Variants in KCNMA1 observed in about 807,000 individuals in gnomAD.
KCNMA1 encodes potassium calcium-activated channel subfamily M alpha 1, also known as Calcium-activated potassium channel subunit alpha-1.
A neutral mutation model predicts 140.0 loss-of-function variants in KCNMA1; 29 were observed. That is an observed-to-expected ratio of 0.21 (90% CI 0.15 to 0.28). KCNMA1 has a LOEUF of 0.28. Ranked by LOEUF, KCNMA1 falls within the 10% of genes least tolerant of loss-of-function variation. The probability of loss-of-function intolerance (pLI) is 1.00; values close to 1 mark genes in which losing one functional copy is unlikely to be tolerated. For synonymous variants in KCNMA1, 612 were observed against 611.9 expected, an observed-to-expected ratio of 1.00 and a Z score of 0.00; for missense variants, 880 against 1,602.2, an observed-to-expected ratio of 0.55 and a Z score of 7.70.
intron 6 of KCNMA1, among the ~76,000 whole-genome samples, chr10:77,119,863 C>G (rs141129885): frequency 3.9e-4 from 60 of 152,144 alleles, no homozygotes; most frequent in African/African-American, 1.4e-3. Flanking sequence ...CATAGATGAG[C>G]AGTCAGAGAG....
At chr10:77,175,050 G>A (rs1321434764) in intron 5 of KCNMA1, among the ~76,000 whole-genome samples, 1 of 152,112 alleles carries the variant, frequency 6.6e-6, no homozygotes, top group Admixed American at 6.5e-5. Context: ...CAAAACTGGA[G>A]ATCACCAGGA....
chr10:77,167,782 C>T (rs567411130), intron 5 of KCNMA1, among the ~76,000 whole-genome samples: 9 of 151,708 alleles, frequency 5.9e-5, no homozygotes, highest in South Asian at 2.1e-4. Context: ...TCGACTTCCT[C>T]GAGCAATCCT....
intron 1 of KCNMA1, among the ~76,000 whole-genome samples, chr10:77,565,076 T>A (rs538714203): frequency 6.6e-6 from 1 of 152,290 alleles, no homozygotes; most frequent in East Asian, 1.9e-4. Context: ...GGAGCACCCA[T>A]CTCTGTCCCA....
At chr10:76,950,882 C>T (rs1591711190) in intron 21 of KCNMA1, among the ~76,000 whole-genome samples, 1 of 152,256 alleles carries the variant, frequency 6.6e-6, no homozygotes, top group African/African-American at 2.4e-5. Flanking sequence ...GAAACTGTGA[C>T]CAAGGAAGAC....
At chr10:77,110,130 A>G in intron 8 of KCNMA1, 43 bp downstream of exon 8, 1 of 1,491,312 alleles carries the variant, frequency 6.7e-7, no homozygotes, top group African/African-American at 1.4e-5. Flanking sequence ...GGAAAATATT[A>G]ACAGCCATCA....
intron 2 of KCNMA1, among the ~76,000 whole-genome samples, chr10:77,349,614 A>G (rs1466708067): frequency 6.6e-6 from 1 of 152,162 alleles, no homozygotes; most frequent in African/African-American, 2.4e-5. Context: ...TCTCCCCTAT[A>G]AGAAACTTAT....
At chr10:77,408,214 C>G (rs777099026) in intron 1 of KCNMA1, among the ~76,000 whole-genome samples, 1 of 152,228 alleles carries the variant, frequency 6.6e-6, no homozygotes, top group African/African-American at 2.4e-5. Context: ...CCTGGCCCCA[C>G]AGGATACTGC....
At chr10:76,946,716 A>G (rs947953547) in intron 22 of KCNMA1, among the ~76,000 whole-genome samples, 10 of 152,192 alleles carry the variant, frequency 6.6e-5, no homozygotes, top group African/African-American at 2.2e-4. Flanking sequence ...ATAAGCTTCA[A>G]TTGCCTGCAT....
chr10:77,097,000 C>T (rs141259552), intron 9 of KCNMA1, among the ~76,000 whole-genome samples: 22 of 152,222 alleles, frequency 1.4e-4, no homozygotes, highest in African/African-American at 5.1e-4. Context: ...GGGTTAGAGA[C>T]CCAACGACCT....
chr10:76,977,559 T>G (rs1235586514), intron 19 of KCNMA1: 3 of 702,934 alleles, frequency 4.3e-6, no homozygotes, highest in Non-Finnish European at 5.2e-6. Context: ...CAGAGAAAGT[T>G]TGCTGACCCC....
intron 3 of KCNMA1, among the ~76,000 whole-genome samples, chr10:77,187,875 A>C (rs1466868662): frequency 6.6e-6 from 1 of 152,192 alleles, no homozygotes; most frequent in Non-Finnish European, 1.5e-5. Flanking sequence ...GCACAATCAG[A>C]GACCACAGAG....
intron 3 of KCNMA1, among the ~76,000 whole-genome samples, chr10:77,225,149 T>C (rs995741924): frequency 1.3e-5 from 2 of 152,128 alleles, no homozygotes; most frequent in African/African-American, 4.8e-5. Context: ...TCCCCTGCAA[T>C]GTTCTGAAAG....
chr10:77,239,398 G>T (rs2056615170), intron 3 of KCNMA1, among the ~76,000 whole-genome samples: 1 of 152,218 alleles, frequency 6.6e-6, no homozygotes, highest in South Asian at 2.1e-4. Context: ...GGTAGCGGGT[G>T]TATGGAAATT....
intron 1 of KCNMA1, among the ~76,000 whole-genome samples, chr10:77,513,763 T>G (rs528209534): frequency 6.6e-6 from 1 of 152,370 alleles, no homozygotes; most frequent in Non-Finnish European, 1.5e-5. Flanking sequence ...AGGCCATGTC[T>G]GCTCCACTCA....
chr10:77,423,121 T>C (rs1302409704), intron 1 of KCNMA1, among the ~76,000 whole-genome samples: 1 of 152,196 alleles, frequency 6.6e-6, no homozygotes, highest in African/African-American at 2.4e-5. Flanking sequence ...CTGGGGTCTG[T>C]TTTTGGAAAT....
intron 2 of KCNMA1, among the ~76,000 whole-genome samples, chr10:77,393,980 C>T (rs1387118326): frequency 6.6e-6 from 1 of 152,198 alleles, no homozygotes; most frequent in Non-Finnish European, 1.5e-5. Flanking sequence ...ACCTGTGCTA[C>T]GCTCAGTTCT....
intron 2 of KCNMA1, among the ~76,000 whole-genome samples, chr10:77,303,254 T>G (rs1256587597): frequency 6.6e-6 from 1 of 152,168 alleles, no homozygotes; most frequent in Non-Finnish European, 1.5e-5. Flanking sequence ...CATCTTTCCA[T>G]GGGTACATGT....
chr10:77,282,821 G>A (rs2154297709), intron 2 of KCNMA1, among the ~76,000 whole-genome samples: 1 of 152,268 alleles, frequency 6.6e-6, no homozygotes, highest in Non-Finnish European at 1.5e-5. Context: ...TTCAGCCGGG[G>A]CAACATAGCA....
intron 23 of KCNMA1, among the ~76,000 whole-genome samples, chr10:76,942,341 C>T (rs1465070021): frequency 6.6e-6 from 1 of 152,196 alleles, no homozygotes; most frequent in Non-Finnish European, 1.5e-5. Flanking sequence ...GCCCCACCAC[C>T]TAATACCATC....
Sources: gnomAD v4.1 joint callset for allele counts (sites outside exome capture counted in the v4.1 genomes callset) on GRCh38, gnomAD v4.1.1 for gene constraint, MANE v1.5 for transcripts, NCBI Gene and HGNC (gene_info 2026-07-23, HGNC 2026-07-21) for gene names.